SERAC1: variants seen among roughly 807,000 people sequenced by gnomAD.
The protein encoded by SERAC1 is protein SERAC1.
SERAC1 carries 36 observed loss-of-function variants against 85.7 expected under a neutral mutation model. That is an observed-to-expected ratio of 0.42 (90% confidence interval 0.32 to 0.55). The LOEUF is 0.55. Among genes scored for constraint, SERAC1 ranks in the 20% least tolerant of loss-of-function variants. The probability of loss-of-function intolerance (pLI) is 0.11; values close to 1 mark genes in which losing one functional copy is unlikely to be tolerated. For missense variants in SERAC1, 629 were observed against 796.2 expected, an observed-to-expected ratio of 0.79 and a Z score of 2.53; for synonymous variants, 242 against 265.3, an observed-to-expected ratio of 0.91 and a Z score of 0.85.
Position 158,144,331 on chromosome 6 carries a change from G to GA in SERAC1, c.576dup (p.Leu193SerfsTer16). ...AAAGATGGCAAAGGAGGTGGTAGGA[G>GA]AAAAAAGCGAAGATCACTCTCTTCG... On this transcript the variant is annotated frameshift_variant, in exon 7 of 17. Coordinates refer to ENST00000647468, the MANE Select transcript of SERAC1 (RefSeq NM_032861.4). LOFTEE classifies it high-confidence loss of function. The GA allele has an allele frequency of 6.2e-7, 1 of 1,612,678 alleles. No homozygotes were observed.
intron 6 of SERAC1, among the ~76,000 whole-genome samples, chr6:158,144,828 C>T (rs536729824): frequency 1.3e-5 from 2 of 152,250 alleles, no homozygotes; most frequent in Admixed American, 1.3e-4. Flanking sequence ...TTCATAGTGT[C>T]CATGAATATT....
At chr6:158,149,083 G>A (rs942366165) in intron 4 of SERAC1, 129 bp from the exon 5 acceptor site, 15 of 608,496 alleles carry the variant, frequency 2.5e-5, no homozygotes, top group Non-Finnish European at 3.9e-5. Flanking sequence ...TCTGCCTCCC[G>A]GGTTCACCCC....
intron 4 of SERAC1, 27 bp from the exon 5 acceptor site, chr6:158,148,981 A>C: frequency 1.3e-6 from 2 of 1,520,904 alleles, no homozygotes; most frequent in South Asian, 1.2e-5. Context: ...ATTAAGTAAA[A>C]CCAAGAATGT....
Position 158,119,022 on chromosome 6 carries a change from C to A in SERAC1, c.1308+7G>T, listed in dbSNP as rs201873667. The stretch of plus-strand genomic sequence containing the variant: ...GCAACCAGGGCCAGAGTCAGTGGCT[C>A]CCTTACCTTGGGCCAGCACGTCGTA... On this transcript the variant is annotated splice_region_variant and intron_variant, in intron 12 of 16. Transcript: ENST00000647468. The surrounding 1 kb of genome is among the most constrained non-coding windows in gnomAD (Gnocchi z 4.5). 1.9e-6 allele frequency: 3 copies of A among 1,610,852 alleles called. No homozygotes were observed. The highest frequency in any genetic ancestry group is 2.5e-6 in the Non-Finnish European group (3 of 1,178,110).
At chr6:158,111,551 C>T in intron 16 of SERAC1, 49 bp from the exon 17 acceptor site, 1 of 1,461,482 alleles carries the variant, frequency 6.8e-7, no homozygotes, top group Non-Finnish European at 9.2e-7. Flanking sequence ...TATAAGCTTT[C>T]CCCTTGACAA....
At chr6:158,130,022 T>C (rs1784639353) in intron 9 of SERAC1, among the ~76,000 whole-genome samples, 1 of 152,218 alleles carries the variant, frequency 6.6e-6, no homozygotes, top group African/African-American at 2.4e-5. Context: ...CTGTCACATC[T>C]TTGGCAGTTG....
Position 158,130,458 on chromosome 6 carries a change from C to G in SERAC1, c.767G>C (p.Gly256Ala). ...KGGLWCFGGN[G>A]LPYAESFGEV... Reference sequence around the variant, plus strand: ...TCCAAAACTTTCAGCATAAGGAAGTCCATTTCCTCCAAAACACCATAAACC... The same window carrying G: ...TCCAAAACTTTCAGCATAAGGAAGTGCATTTCCTCCAAAACACCATAAACC... The change falls in exon 9 of 17, where the codon GGA becomes GCA. Residue 256 changes from glycine (G) to alanine (A), a missense_variant. Coordinates refer to ENST00000647468, the MANE Select transcript of SERAC1 (RefSeq NM_032861.4). 6.3e-7 allele frequency: 1 copy of G among 1,599,254 alleles called. No homozygotes were observed. Among genetic ancestry groups the G allele is most frequent in the Non-Finnish European group, 8.5e-7 (1 of 1,174,500 alleles).
chr6:158,155,071 A>G (rs1342797493), intron 3 of SERAC1, among the ~76,000 whole-genome samples: 3 of 152,168 alleles, frequency 2.0e-5, no homozygotes, highest in African/African-American at 7.2e-5. Context: ...TGCTTTCCTC[A>G]CAGCAGCAGT....
At chr6:158,127,358 T>C (rs1166494613) in intron 10 of SERAC1, among the ~76,000 whole-genome samples, 4 of 28,278 alleles carry the variant, frequency 1.4e-4, no homozygotes, top group East Asian at 2.7e-3. Context: ...AGCCGCCCCG[T>C]CCGGGAGGGA....
chr6:158,135,443 G>T (rs1034815478), intron 8 of SERAC1, among the ~76,000 whole-genome samples: 1 of 152,020 alleles, frequency 6.6e-6, no homozygotes, highest in Non-Finnish European at 1.5e-5. Context: ...TGAGGCAGGA[G>T]AATTGCTTGA....
At chr6:158,157,155 C>A (rs1015634464) in intron 2 of SERAC1, among the ~76,000 whole-genome samples, 6 of 151,548 alleles carry the variant, frequency 4.0e-5, no homozygotes, top group Non-Finnish European at 8.8e-5. Context: ...CACCACCACA[C>A]CCAGCTAATT....
chr6:158,151,216 TTG>T (rs1785196718), intron 3 of SERAC1: 1 of 152,042 alleles, frequency 6.6e-6, no homozygotes, highest in African/African-American at 2.4e-5. Context: ...GCTAATGGGT[TTG>T]TGTTTCATTT....
intron 8 of SERAC1, among the ~76,000 whole-genome samples, chr6:158,142,727 G>A (rs899814962): frequency 3.9e-5 from 6 of 152,160 alleles, no homozygotes; most frequent in Middle Eastern, 3.4e-3. Context: ...CACCCACCTC[G>A]GCCTCCCAAC....
At chr6:158,143,674 ATAAT>A (rs1434072529) in intron 7 of SERAC1, among the ~76,000 whole-genome samples, 1 of 151,958 alleles carries the variant, frequency 6.6e-6, no homozygotes, top group Non-Finnish European at 1.5e-5. Flanking sequence ...ATTTTCTCTA[ATAAT>A]TAATATCTAG....
intron 12 of SERAC1, among the ~76,000 whole-genome samples, 198 bp from the exon 13 acceptor site, chr6:158,118,019 T>C (rs1562434312): frequency 1.3e-5 from 2 of 152,252 alleles, no homozygotes; most frequent in Admixed American, 1.3e-4. Context: ...CCAGTATTTA[T>C]AGCATAAGGC....
intron 13 of SERAC1, chr6:158,116,490 G>A (rs898551364): frequency 2.9e-5 from 15 of 516,872 alleles, no homozygotes; most frequent in South Asian, 1.8e-4. Flanking sequence ...CTCCCACCTC[G>A]GCCTCCCAAA....
rs1342930760 is a variant in SERAC1, at chr6:158,124,128, CAGGTTTCAGAG to C, written c.1016-3564_1016-3554del. Among the ~76,000 whole-genome samples the C allele has an allele frequency of 5.9e-5, 9 of 152,136 alleles. No individual in the cohort carries two copies. In the East Asian group the frequency reaches 1.5e-3, roughly 26 times the overall value. ...GAGGACTGAAGACTTGGGGTAGACC[CAGGTTTCAGAG>C]AAGAGTCATTTTTTTTTCTATAATA... On this transcript the variant is annotated intron_variant, in intron 10 of 16. Transcript: ENST00000647468.
chr6:158,112,574 A>G (rs143535017), intron 16 of SERAC1: 1 of 152,044 alleles, frequency 6.6e-6, no homozygotes, highest in Non-Finnish European at 1.5e-5. Context: ...TTTCAGTTCT[A>G]CTACACAGTA....
intron 4 of SERAC1, among the ~76,000 whole-genome samples, chr6:158,149,842 G>A (rs1356058621): frequency 6.6e-6 from 1 of 152,132 alleles, no homozygotes; most frequent in Non-Finnish European, 1.5e-5. Context: ...GTATGAACAG[G>A]CAGCTGTGAG....
Sources: allele counts gnomAD v4.1 joint callset (sites outside exome capture counted in the v4.1 genomes callset), GRCh38; gene constraint gnomAD v4.1.1; non-coding constraint Gnocchi (gnomAD v3.1); transcripts MANE v1.5; gene names NCBI Gene and HGNC (gene_info 2026-07-23, HGNC 2026-07-21).